Variants in CPXM2 observed in about 807,000 individuals in gnomAD.
CPXM2 encodes carboxypeptidase X, M14 family member 2.
CPXM2 carries 66 observed loss-of-function variants against 86.1 expected under a neutral mutation model. That is an observed-to-expected ratio of 0.77 (90% CI 0.63 to 0.94). The LOEUF (loss-of-function observed/expected upper bound fraction) is 0.94, where lower values mean the gene tolerates loss of function less well. Among genes scored for constraint, CPXM2 ranks in the 40% least tolerant of loss-of-function variants. CPXM2 has a pLI of 0.00. For synonymous variants in CPXM2, 388 were observed against 400.2 expected (o/e 0.97, Z 0.36); for missense variants, 948 against 1,026.3 (o/e 0.92, Z 1.04).
intron 3 of CPXM2, among the ~76,000 whole-genome samples, chr10:123,846,731 C>G (rs887198203): frequency 2.0e-5 from 3 of 152,122 alleles, no homozygotes; most frequent in Admixed American, 1.3e-4. Flanking sequence ...ATGTAGGAGA[C>G]CCAGAGAGTA....
intron 7 of CPXM2, among the ~76,000 whole-genome samples, chr10:123,775,867 G>T (rs890074525): frequency 6.6e-6 from 1 of 152,210 alleles, no homozygotes; most frequent in Non-Finnish European, 1.5e-5. Flanking sequence ...TGGCCACTCT[G>T]CTCTTCTGAG....
At chr10:123,913,519 A>G (rs1480687797) in intron 2 of CPXM2, 2 of 165,998 alleles carry the variant, frequency 1.2e-5, no homozygotes. Flanking sequence ...ATACGCATGT[A>G]TTCCGCACCT....
chr10:123,807,611 G>A (rs1847607953), intron 4 of CPXM2, among the ~76,000 whole-genome samples: 2 of 152,220 alleles, frequency 1.3e-5, no homozygotes, highest in Non-Finnish European at 2.9e-5. Flanking sequence ...CAAGTGCTGT[G>A]ATGAGACAAG....
chr10:123,780,492 T>C (rs142469416), intron 6 of CPXM2, among the ~76,000 whole-genome samples: 1 of 152,346 alleles, frequency 6.6e-6, no homozygotes, highest in African/African-American at 2.4e-5. Flanking sequence ...ACTTACATGC[T>C]GTATGAGTAT....
chr10:123,915,426 C>T (rs1389995284), intron 2 of CPXM2, among the ~76,000 whole-genome samples: 1 of 152,178 alleles, frequency 6.6e-6, no homozygotes, highest in Admixed American at 6.5e-5. Context: ...GGCGTGATGG[C>T]AGGCGCCTGT....
intron 6 of CPXM2, among the ~76,000 whole-genome samples, chr10:123,789,811 T>C (rs550775236): frequency 2.8e-4 from 42 of 152,270 alleles, no homozygotes; most frequent in African/African-American, 9.1e-4. Context: ...CTAATTCCGA[T>C]TGGCTATTTT....
At chr10:123,812,261 T>A (rs1020362820) in intron 4 of CPXM2, among the ~76,000 whole-genome samples, 11 of 152,328 alleles carry the variant, frequency 7.2e-5, no homozygotes, top group Admixed American at 1.3e-4. Flanking sequence ...ATTACAAATA[T>A]ATGAACTAAA....
chr10:123,827,930 A>G (rs963899401), intron 4 of CPXM2, among the ~76,000 whole-genome samples: 1 of 152,168 alleles, frequency 6.6e-6, no homozygotes, highest in African/African-American at 2.4e-5. Flanking sequence ...TGGAGAGGCC[A>G]AGGCAGGTGG....
intron 2 of CPXM2, among the ~76,000 whole-genome samples, chr10:123,873,886 G>T (rs1244995889): frequency 7.7e-6 from 1 of 129,136 alleles, no homozygotes; most frequent in African/African-American, 3.0e-5. Flanking sequence ...TTGAGACAGA[G>T]TCTCACTCTG....
chr10:123,842,536 A>C (rs1848409409), intron 3 of CPXM2, 48 bp from the exon 4 acceptor site: 1 of 1,581,236 alleles, frequency 6.3e-7, no homozygotes, highest in African/African-American at 1.3e-5. Flanking sequence ...TTAATTGAAG[A>C]AAATTAAGAC....
intron 8 of CPXM2, among the ~76,000 whole-genome samples, chr10:123,769,241 T>A (rs781531854): frequency 6.6e-6 from 1 of 152,142 alleles, no homozygotes. Flanking sequence ...TGGTTTAATG[T>A]ATGTGTCCCC....
chr10:123,866,449 C>CA (rs1413477956), intron 2 of CPXM2, among the ~76,000 whole-genome samples: 1 of 152,056 alleles, frequency 6.6e-6, no homozygotes, highest in Non-Finnish European at 1.5e-5. Context: ...GCTGTAATCC[C>CA]AGCTACTCGG....
Position 123,881,397 on chromosome 10 carries a change from G to A in CPXM2, c.305-1088C>T, listed in dbSNP as rs1590097284. 2.0e-5 allele frequency among the ~76,000 whole-genome samples: 3 copies of A among 151,792 alleles called. No individual in the cohort carries two copies. The South Asian group carries it at 6.2e-4, about 32-fold the overall frequency. Reference sequence around the variant, plus strand: ...GTTGATAGCACCTGTTTTGGGTCAGGTTGCCTCTAGGTAGAGCCTGATGCA... The same window carrying A: ...GTTGATAGCACCTGTTTTGGGTCAGATTGCCTCTAGGTAGAGCCTGATGCA... On this transcript the variant is annotated intron_variant, in intron 1 of 13. Transcript: ENST00000241305.
chr10:123,899,504 A>T (rs1945364635), intron 2 of CPXM2, among the ~76,000 whole-genome samples: 1 of 152,260 alleles, frequency 6.6e-6, no homozygotes, highest in South Asian at 2.1e-4. Context: ...ATGCTCTTGC[A>T]TGGGCAACTT....
At chr10:123,907,984 GAGAA>G (rs1945458028) in intron 2 of CPXM2, among the ~76,000 whole-genome samples, 2 of 152,132 alleles carry the variant, frequency 1.3e-5, no homozygotes, top group African/African-American at 2.4e-5. Flanking sequence ...TGAAAGAAGT[GAGAA>G]AGGAAGGGAG....
chr10:123,891,372 C>T lies in CPXM2; in HGVS notation c.288G>A (p.Pro96=), dbSNP rs1350255626. 3 of 1,556,408 alleles carry T rather than the reference C, an allele frequency of 1.9e-6. No individual in the cohort carries two copies. The highest frequency in any genetic ancestry group is 1.4e-5 in the African/African-American group (1 of 72,004). Residue 96 remains proline, a synonymous_variant, in exon 1 of 14, where the codon CCG becomes CCA. Coordinates refer to ENST00000241305, the MANE Select transcript of CPXM2 (RefSeq NM_198148.3). The surrounding 1 kb of genome is among the most constrained non-coding windows in gnomAD (Gnocchi z 5.6). The stretch of plus-strand genomic sequence containing the variant: ...GTTCCTTACCTGGTGGAGGCGGCTC[C>T]GGAGCCGACTTCTCCCTCTTGGGAG... ...KKAPKREKSA[P]EPPPPGKHSN...
chr10:123,943,192 T>C (rs1271528151), upstream of CPXM2, among the ~76,000 whole-genome samples: 3 of 152,258 alleles, frequency 2.0e-5, no homozygotes, highest in South Asian at 2.1e-4. Context: ...GTTCTTTGAA[T>C]GTTCCTTTGA....
At chr10:123,904,866 A>T (rs899946911) in intron 2 of CPXM2, among the ~76,000 whole-genome samples, 26 of 138,542 alleles carry the variant, frequency 1.9e-4, no homozygotes, top group African/African-American at 6.6e-4. Context: ...AACCTCTGTG[A>T]CCTCCCCATC....
At chr10:123,805,725 C>T (rs2134082298) in intron 4 of CPXM2, among the ~76,000 whole-genome samples, 1 of 151,950 alleles carries the variant, frequency 6.6e-6, no homozygotes, top group African/African-American at 2.4e-5. Flanking sequence ...CAAAATTGAT[C>T]ACTGCCAATA....
Sources: gnomAD v4.1 joint callset for allele counts (sites outside exome capture counted in the v4.1 genomes callset) on GRCh38, gnomAD v4.1.1 for gene constraint, Gnocchi (gnomAD v3.1) non-coding constraint, MANE v1.5 for transcripts, NCBI Gene and HGNC (gene_info 2026-07-23, HGNC 2026-07-21) for gene names.